PLIN2: variants seen among roughly 807,000 people sequenced by gnomAD.
PLIN2 encodes the protein perilipin 2, also known as perilipin-2.
In PLIN2, 33 loss-of-function variants were observed where a neutral mutation model predicts 30.6. That is an observed-to-expected ratio of 1.08 (90% CI 0.82 to 1.44). The LOEUF (loss-of-function observed/expected upper bound fraction) is 1.44. Ranked by LOEUF, PLIN2 falls within the 40% of genes most tolerant of loss-of-function variation. The pLI is 0.00. For synonymous variants in PLIN2, 205 were observed against 201.1 expected (o/e 1.02, Z -0.16); for missense variants, 610 against 531.8 (o/e 1.15, Z -1.45).
At chr9:19,123,414 A>G in intron 4 of PLIN2, 151 bp downstream of exon 4, 1 of 1,552,404 alleles carries the variant, frequency 6.4e-7, no homozygotes, top group Non-Finnish European at 8.7e-7. Flanking sequence ...TTCAGGAAGT[A>G]AGGAAGTGGC....
intron 2 of PLIN2, among the ~76,000 whole-genome samples, chr9:19,109,959 G>GAA (rs74512950): frequency 2.1e-5 from 3 of 142,172 alleles, no homozygotes; most frequent in Non-Finnish European, 3.1e-5. Context: ...CTGTTTACAG[G>GAA]AAAAAAAAAA....
chr9:19,121,681 C>T (rs547723772), intron 4 of PLIN2, among the ~76,000 whole-genome samples: 1 of 152,266 alleles, frequency 6.6e-6, no homozygotes, highest in East Asian at 1.9e-4. Context: ...CCTGTAATGC[C>T]AGCACTTTGC....
chr9:19,112,849 G>C (rs1453801707), downstream of PLIN2, among the ~76,000 whole-genome samples: 1 of 152,096 alleles, frequency 6.6e-6, no homozygotes, highest in Admixed American at 6.6e-5. Context: ...AAAAAGCAAG[G>C]GCTGCTGGTG....
intron 2 of PLIN2, among the ~76,000 whole-genome samples, chr9:19,109,856 T>A (rs964064432): frequency 6.6e-6 from 1 of 151,500 alleles, no homozygotes; most frequent in African/African-American, 2.4e-5. Flanking sequence ...CTCGGGAGGC[T>A]GAGGCAGGAG....
intron 4 of PLIN2, 124 bp from the exon 5 acceptor site, chr9:19,121,289 T>G: frequency 1.2e-6 from 1 of 844,150 alleles, no homozygotes; most frequent in Middle Eastern, 3.5e-4. Flanking sequence ...TCACTCTAGC[T>G]TTAGGTCTTG....
In PLIN2 at chr9:19,118,424, G is replaced by A; in HGVS notation, c.809C>T (p.Ala270Val). The change falls in exon 7 of 8, where the codon GCC (alanine) becomes GTC (valine). Residue 270 changes from alanine (A) to valine (V), a missense_variant. Ala to Val is a moderately conservative substitution (Grantham distance 64). Transcript: ENST00000276914. ...IEFARKNVYSANQKIQDAQDK... is the reference protein window; with the variant it reads ...IEFARKNVYSVNQKIQDAQDK... ...CTGAGCATCCTGAATTTTCTGATTG[G>A]CACTATACACATTCTTCCTGGCAAA... The A allele has an allele frequency of 6.2e-7, 1 of 1,613,460 alleles. No homozygotes were observed. Among genetic ancestry groups the A allele is most frequent in the Non-Finnish European group, 8.5e-7 (1 of 1,179,652 alleles).
intron 5 of PLIN2, 80 bp downstream of exon 5, chr9:19,120,800 C>T: frequency 8.7e-7 from 1 of 1,150,538 alleles, no homozygotes; most frequent in Non-Finnish European, 1.3e-6. Flanking sequence ...AATTTAGACT[C>T]AAGATGAGAG....
intron 3 of PLIN2, 70 bp from the exon 4 acceptor site, chr9:19,123,717 C>CA: frequency 7.3e-7 from 1 of 1,375,080 alleles, no homozygotes; most frequent in Non-Finnish European, 1.0e-6. Flanking sequence ...TACCATAGGC[C>CA]TTATAAAAAA....
At position 19,127,046 on chromosome 9, in the gene PLIN2, A is replaced by C. The variant is rs2131187598; in HGVS notation, c.-23+373T>G. Among the ~76,000 whole-genome samples, 1 of 152,244 alleles carries C rather than the reference A, an allele frequency of 6.6e-6. No homozygotes were observed. Among genetic ancestry groups the C allele is most frequent in the Middle Eastern group, 3.4e-3 (1 of 294 alleles). ...GACAGAGCGAGACTCCGTCAAAAAA[A>C]AAATGCGGTTTTCTAACGCGTTTCC... On this transcript the variant is annotated intron_variant, in intron 1 of 7. Transcript: ENST00000276914. The surrounding 1 kb of genome is among the most constrained non-coding windows in gnomAD (Gnocchi z 4.3).
At chr9:19,113,773 G>GTTTTT (rs753031655), downstream of PLIN2, among the ~76,000 whole-genome samples, 1 of 143,698 alleles carries the variant, frequency 7.0e-6, no homozygotes. Context: ...TGTTATTTTT[G>GTTTTT]GTTTTTTTTT....
chr9:19,113,580 T>G (rs1279508005), downstream of PLIN2, among the ~76,000 whole-genome samples: 1 of 90,174 alleles, frequency 1.1e-5, no homozygotes, highest in African/African-American at 8.6e-5. Context: ...TGATAAAAAC[T>G]TTTTTTTTTT....
intron 4 of PLIN2, chr9:19,123,252 G>T: frequency 9.4e-7 from 1 of 1,062,276 alleles, no homozygotes. Context: ...TATCACGTCT[G>T]CATTTATTTA....
At position 19,116,520 on chromosome 9, in the gene PLIN2, C is replaced by T. The variant is rs368385021; in HGVS notation, c.1042G>A (p.Val348Met). The change falls in exon 8 of 8, where the codon GTG (valine) becomes ATG (methionine). Residue 348 changes from valine (V) to methionine (M), a missense_variant. Val to Met is a conservative substitution (Grantham distance 21). Coordinates refer to ENST00000276914, the MANE Select transcript of PLIN2 (RefSeq NM_001122.4). ...NIQDQAKHMG[V>M]MAGDIYSVFR... ...ACTGAGTAGATGTCGCCTGCCATCA[C>T]CCCCATGTGCTTGGCTTGATCTTGG... 4.3e-6 allele frequency: 7 copies of T among 1,614,006 alleles called. No individual in the cohort carries two copies. The African/African-American group carries it at 5.3e-5, about 12-fold the overall frequency.
rs1818394348 is a variant in PLIN2, at chr9:19,126,173, G to A, written c.167C>T (p.Thr56Ile). ...VCEMAENGVK[T>I]ITSVAMTSAL... is the part of the protein sequence containing the mutation. ...ACTGGTCATGGCCACGGAGGTGATG[G>A]TCTTCACACCGTTCTCTGCCATCTC... The change falls in exon 3 of 8, where the codon ACC becomes ATC. Residue 56 changes from threonine to isoleucine, a missense_variant. Coordinates refer to ENST00000276914, the MANE Select transcript of PLIN2 (RefSeq NM_001122.4). 32 of 1,614,104 alleles carry A rather than the reference G, an allele frequency of 2.0e-5. No homozygotes were observed. The highest frequency in any genetic ancestry group is 1.7e-4 in the Middle Eastern group (1 of 6,060).
chr9:19,113,656 C>T (rs977181335), downstream of PLIN2, among the ~76,000 whole-genome samples: 2 of 151,704 alleles, frequency 1.3e-5, no homozygotes, highest in Non-Finnish European at 2.9e-5. Context: ...TCACTGCAAC[C>T]TTCACCTGCC....
rs1194705574 is a variant in PLIN2, at chr9:19,126,594, TCCAGGTCC to T, written c.-22-154_-22-147del. The T allele has an allele frequency of 1.3e-5, 8 of 615,612 alleles. No homozygotes were observed. The Admixed American group carries it at 2.3e-4, about 18-fold the overall frequency. The allele number at this position is 615,612 out of a possible 1,614,324, so 38.1% of individuals were successfully genotyped here. The stretch of plus-strand genomic sequence containing the variant: ...TGCACTTCTTTCCTCTCTCCAGCTC[TCCAGGTCC>T]CCCTCCTGAAAGACCCACACCCACA... On this transcript the variant is annotated intron_variant, in intron 1 of 7. Transcript: ENST00000276914.
chr9:19,117,407 C>T (rs1423674065), intron 7 of PLIN2, among the ~76,000 whole-genome samples: 1 of 152,048 alleles, frequency 6.6e-6, no homozygotes, highest in African/African-American at 2.4e-5. Flanking sequence ...GATCTGCCTG[C>T]CTTGGCCTCC....
downstream of PLIN2, among the ~76,000 whole-genome samples, chr9:19,113,554 G>A (rs1004611930): frequency 6.7e-6 from 1 of 148,262 alleles, no homozygotes. Context: ...ACAATGAGAA[G>A]AAAAAATTTG....
At chr9:19,122,898 G>A (rs896107698) in intron 4 of PLIN2, among the ~76,000 whole-genome samples, 10 of 152,124 alleles carry the variant, frequency 6.6e-5, no homozygotes, top group Non-Finnish European at 1.2e-4. Flanking sequence ...CATAAAGCTT[G>A]GGGACCACTG....
Sources: allele counts gnomAD v4.1 joint callset (sites outside exome capture counted in the v4.1 genomes callset), GRCh38; gene constraint gnomAD v4.1.1; non-coding constraint Gnocchi (gnomAD v3.1); transcripts MANE v1.5; gene names NCBI Gene and HGNC (gene_info 2026-07-23, HGNC 2026-07-21).